Variants in NEDD4L observed in about 807,000 individuals in gnomAD.
The protein encoded by NEDD4L is NEDD4 like E3 ubiquitin protein ligase.
Under a neutral mutation model 148.9 loss-of-function variants are expected in NEDD4L, and 54 were observed. That is an observed-to-expected ratio of 0.36 (90% CI 0.29 to 0.45). The LOEUF (loss-of-function observed/expected upper bound fraction) is 0.45, where lower values mean the gene tolerates loss of function less well. Ranked by LOEUF, NEDD4L falls within the 20% of genes least tolerant of loss-of-function variation. The pLI, the probability that NEDD4L is intolerant of heterozygous loss-of-function variation, is 1.00. For synonymous variants in NEDD4L, 433 were observed against 440.7 expected, an observed-to-expected ratio of 0.98 and a Z score of 0.22; for missense variants, 856 against 1,233.8, an observed-to-expected ratio of 0.69 and a Z score of 4.59.
chr18:58,080,788 T>G (rs1047231938), intron 1 of NEDD4L, among the ~76,000 whole-genome samples: 1 of 152,214 alleles, frequency 6.6e-6, no homozygotes, highest in Non-Finnish European at 1.5e-5. Context: ...AGTTGGAGCC[T>G]GGGAGCTGCC....
At chr18:58,313,702 G>C (rs1374824621) in intron 5 of NEDD4L, among the ~76,000 whole-genome samples, 1 of 152,242 alleles carries the variant, frequency 6.6e-6, no homozygotes, top group East Asian at 1.9e-4. Flanking sequence ...CCTTGGCACA[G>C]AGCCCACAGA....
chr18:58,234,097 C>CT (rs61539118), intron 2 of NEDD4L, among the ~76,000 whole-genome samples: 1,659 of 83,326 alleles, frequency 0.02, 41 homozygotes, highest in African/African-American at 0.093. Flanking sequence ...TTCTTTCTTT[C>CT]TTTCTTTTCT....
chr18:58,304,598 C>G (rs1254451670), intron 5 of NEDD4L, among the ~76,000 whole-genome samples: 3 of 152,172 alleles, frequency 2.0e-5, no homozygotes, highest in African/African-American at 4.8e-5. Context: ...TGGTTTTTAT[C>G]CTCACTTTGG....
intron 4 of NEDD4L, among the ~76,000 whole-genome samples, chr18:58,250,983 T>C (rs2047856261): frequency 1.3e-5 from 2 of 152,132 alleles, no homozygotes; most frequent in African/African-American, 4.8e-5. Context: ...AGCTCTGTCA[T>C]TGCCTCACAG....
chr18:58,142,040 C>CTTTTTTTTTTTTTTTT (rs552184742), intron 1 of NEDD4L, among the ~76,000 whole-genome samples: 1 of 41,858 alleles, frequency 2.4e-5, no homozygotes, highest in Non-Finnish European at 4.6e-5. Flanking sequence ...AAATTTCTTT[C>CTTTTTTTTTTTTTTTT]TTTTTTTTTT....
intron 1 of NEDD4L, among the ~76,000 whole-genome samples, chr18:58,126,913 G>C (rs1003210130): frequency 4.6e-5 from 7 of 152,260 alleles, no homozygotes; most frequent in African/African-American, 1.7e-4. Context: ...GCACCCAGGG[G>C]TGAGGTGCCT....
intron 1 of NEDD4L, among the ~76,000 whole-genome samples, chr18:58,071,657 T>G: frequency 6.6e-6 from 1 of 152,228 alleles, no homozygotes; most frequent in East Asian, 1.9e-4. Context: ...GTGTTTGTTC[T>G]CATGCCGCTA....
At chr18:58,087,161 A>G (rs761347059) in intron 1 of NEDD4L, among the ~76,000 whole-genome samples, 3 of 152,218 alleles carry the variant, frequency 2.0e-5, no homozygotes, top group Non-Finnish European at 2.9e-5. Flanking sequence ...AAAGGATTTT[A>G]TAGGTGGGAC....
At chr18:58,231,237 C>CAAAAAAAAAAAA (rs67220469) in intron 2 of NEDD4L, among the ~76,000 whole-genome samples, 1 of 90,184 alleles carries the variant, frequency 1.1e-5, no homozygotes, top group Non-Finnish European at 2.3e-5. Flanking sequence ...GACCCTATCT[C>CAAAAAAAAAAAA]AAAAAAAAAA....
chr18:58,109,303 G>A (rs2085268723), intron 1 of NEDD4L, among the ~76,000 whole-genome samples: 2 of 152,192 alleles, frequency 1.3e-5, no homozygotes, highest in East Asian at 3.9e-4. Flanking sequence ...CCACAGAAGA[G>A]TTTCACAGTT....
Position 58,387,494 on chromosome 18 carries a change from TG to T in NEDD4L, c.2545del (p.Glu849SerfsTer12). On this transcript the variant is annotated frameshift_variant, in exon 27 of 31. Transcript: ENST00000400345. LOFTEE classifies it high-confidence loss of function. ...DLIKIFDENE[L>X]ELLMCGLGDV... ...ATTAAAATTTTTGATGAAAATGAGC[TG>T]GAGGTTTGTATTATAAACATTATTT... 1.3e-6 allele frequency: 2 copies of T among 1,569,478 alleles called. No homozygotes were observed. Among genetic ancestry groups the T allele is most frequent in the Non-Finnish European group, 1.7e-6 (2 of 1,157,830 alleles).
chr18:58,125,530 C>G (rs1046219939), intron 1 of NEDD4L, among the ~76,000 whole-genome samples: 2 of 152,130 alleles, frequency 1.3e-5, no homozygotes, highest in Admixed American at 6.5e-5. Context: ...AGTGGCCCAT[C>G]ACATTTAGAA....
intron 2 of NEDD4L, among the ~76,000 whole-genome samples, chr18:58,240,518 G>T (rs1767194417): frequency 6.6e-6 from 1 of 152,090 alleles, no homozygotes; most frequent in African/African-American, 2.4e-5. Flanking sequence ...CGTGTGTAAT[G>T]GCACAATTTG....
rs368089419 is a variant in NEDD4L at position 58,347,065 on chromosome 18, C to T, written c.1576-2472C>T. ...ATTATAAGCCTCAAGGCCTCTGGCC[C>T]TCACAGTCTATGAAGTCTAGGTTTC... On this transcript the variant is annotated intron_variant, in intron 16 of 30. Coordinates refer to ENST00000400345, the MANE Select transcript of NEDD4L (RefSeq NM_001144967.3). 3.0e-4 allele frequency among the ~76,000 whole-genome samples: 45 copies of T among 152,228 alleles called. No individual in the cohort carries two copies. The South Asian group carries it at 7.9e-3, about 27-fold the overall frequency.
At chr18:58,357,352 G>T (rs573156605) in intron 19 of NEDD4L, 100 bp downstream of exon 19, 2 of 1,052,036 alleles carry the variant, frequency 1.9e-6, no homozygotes, top group East Asian at 2.4e-5. Context: ...AGGGACAACG[G>T]TGATTGAGTA....
chr18:58,296,438 G>T (rs190648824), intron 5 of NEDD4L, among the ~76,000 whole-genome samples: 160 of 152,308 alleles, frequency 1.1e-3, no homozygotes, highest in Admixed American at 7.6e-3. Context: ...TTTGGAGGCC[G>T]CTTCAAAGTA....
chr18:58,335,812 A>G (rs1045537371), intron 13 of NEDD4L: 2 of 324,014 alleles, frequency 6.2e-6, no homozygotes, highest in Non-Finnish European at 1.2e-5. Flanking sequence ...GATATTTTTG[A>G]CTTTTAGTGT....
At chr18:58,044,766 C>T in intron 1 of NEDD4L, 58 bp downstream of exon 1, 2 of 1,581,826 alleles carry the variant, frequency 1.3e-6, no homozygotes, top group South Asian at 1.2e-5. Flanking sequence ...CCCGCGCCGG[C>T]AGGGGGAGGG....
At chr18:58,139,752 G>A (rs937206366) in intron 1 of NEDD4L, among the ~76,000 whole-genome samples, 2 of 152,150 alleles carry the variant, frequency 1.3e-5, no homozygotes, top group African/African-American at 4.8e-5. Flanking sequence ...AATCAGCTGT[G>A]TTCATCTTTG....
Sources: gnomAD v4.1 joint callset for allele counts (sites outside exome capture counted in the v4.1 genomes callset) on GRCh38, gnomAD v4.1.1 for gene constraint, MANE v1.5 for transcripts, NCBI Gene and HGNC (gene_info 2026-07-23, HGNC 2026-07-21) for gene names.